The following RP1L1 variants were observed in gnomAD, a reference collection of about 807,000 sequenced individuals.
The protein encoded by RP1L1 is RP1 like 1, also known as retinitis pigmentosa 1-like 1 protein.
Under a neutral mutation model 15.7 loss-of-function variants are expected in RP1L1, and 27 were observed. That is an observed-to-expected ratio of 1.72 (90% CI 1.27 to 2.38). The LOEUF is 2.38. Ranked by LOEUF, RP1L1 falls within the 30% of genes most tolerant of loss-of-function variation. RP1L1 has a pLI of 0.00. For missense variants in RP1L1, 4,798 were observed against 3,075.9 expected, an observed-to-expected ratio of 1.56 and a Z score of -13.24; for synonymous variants, 1,813 against 1,276.7, an observed-to-expected ratio of 1.42 and a Z score of -8.96.
Position 10,610,602 on chromosome 8 carries a change from C to T in RP1L1, c.3496G>A (p.Asp1166Asn), listed in dbSNP as rs760568274. The change falls in exon 4 of 4, where the codon GAC (aspartate) becomes AAC (asparagine). Residue 1166 changes from aspartate (D) to asparagine (N), a missense_variant. By Grantham distance (23) the Asp-to-Asn change is conservative. Transcript: ENST00000382483. ...DLWPGCDVGE[D>N]QLDSGLWELT... ...TCCCAGAGGCCTGAGTCCAGCTGGT[C>T]TTCCCCAACGTCACATCCTGGCCAC... 6.2e-7 allele frequency: 1 copy of T among 1,613,594 alleles called. No individual in the cohort carries two copies. The highest frequency in any genetic ancestry group is 8.5e-7 in the Non-Finnish European group (1 of 1,180,022).
intron 1 of RP1L1, among the ~76,000 whole-genome samples, chr8:10,638,531 T>C (rs1323313982): frequency 1.3e-5 from 2 of 152,134 alleles, no homozygotes; most frequent in East Asian, 3.9e-4. Context: ...ATTGCTTGAG[T>C]CCGGCAGTTC....
intron 2 of RP1L1, among the ~76,000 whole-genome samples, chr8:10,622,335 C>CAA (rs34315849): frequency 4.5e-4 from 46 of 102,272 alleles, no homozygotes; most frequent in East Asian, 2.3e-3. Flanking sequence ...AAAACAAAGC[C>CAA]AAAAAAAAAA....
At position 10,608,428 on chromosome 8, in the gene RP1L1, T is replaced by C; in HGVS notation, c.5670A>G (p.Val1890=). The C allele has an allele frequency of 1.9e-6, 3 of 1,604,172 alleles. No individual in the cohort carries two copies. Among genetic ancestry groups the C allele is most frequent in the Non-Finnish European group, 1.7e-6 (2 of 1,174,922 alleles). The change falls in exon 4 of 4, where the codon GTA becomes GTG. Residue 1890 remains valine (V), a synonymous_variant. Coordinates refer to ENST00000382483, the MANE Select transcript of RP1L1 (RefSeq NM_178857.6). ...EGEAQPESED[V]ETPEAEWEVQ... is the part of the protein sequence containing the mutation. ...CCTCCCATTCTGCCTCTGGGGTCTC[T>C]ACATCTTCTGACTCTGGCTGGGCCT...
intron 1 of RP1L1, among the ~76,000 whole-genome samples, chr8:10,638,920 G>T (rs1019710254): frequency 6.6e-6 from 1 of 152,080 alleles, no homozygotes; most frequent in African/African-American, 2.4e-5. Context: ...TGAAGCCAGC[G>T]GATCACTTGA....
chr8:10,651,451 G>A (rs906426825), intron 1 of RP1L1, among the ~76,000 whole-genome samples: 3 of 152,154 alleles, frequency 2.0e-5, no homozygotes, highest in South Asian at 2.1e-4. Context: ...TGCTCGGGCC[G>A]GGCGCAGTGG....
At chr8:10,646,331 T>C (rs567213998) in intron 1 of RP1L1, among the ~76,000 whole-genome samples, 2 of 151,294 alleles carry the variant, frequency 1.3e-5, no homozygotes, top group East Asian at 3.9e-4. Flanking sequence ...GGAGCTGGAG[T>C]TTCAACCCAG....
At chr8:10,629,418 G>C (rs147543375) in intron 1 of RP1L1, among the ~76,000 whole-genome samples, 1 of 152,178 alleles carries the variant, frequency 6.6e-6, no homozygotes, top group Non-Finnish European at 1.5e-5. Flanking sequence ...AAGGAATAGG[G>C]AGAAGCTGGA....
chr8:10,628,955 C>T (rs542183409), intron 1 of RP1L1, among the ~76,000 whole-genome samples: 9 of 152,354 alleles, frequency 5.9e-5, no homozygotes, highest in African/African-American at 2.2e-4. Flanking sequence ...CAACACCAAG[C>T]GGGATGTGCA....
At chr8:10,616,812 C>G (rs1181657864) in intron 2 of RP1L1, among the ~76,000 whole-genome samples, 2 of 152,208 alleles carry the variant, frequency 1.3e-5, no homozygotes, top group Non-Finnish European at 2.9e-5. Flanking sequence ...AGCTATACCC[C>G]TCCCTCCACC....
chr8:10,634,341 G>T (rs1038802524), intron 1 of RP1L1, among the ~76,000 whole-genome samples: 3 of 152,172 alleles, frequency 2.0e-5, no homozygotes, highest in African/African-American at 7.2e-5. Flanking sequence ...AGCTGCAAGA[G>T]GCTGCAACAC....
chr8:10,625,789 T>C (rs888478680), intron 1 of RP1L1, among the ~76,000 whole-genome samples: 3 of 151,954 alleles, frequency 2.0e-5, no homozygotes, highest in Non-Finnish European at 4.4e-5. Context: ...GTGGTCTCAG[T>C]GAGCACAGAG....
rs377045763 is a variant in RP1L1 at position 10,609,822 on chromosome 8, G to A, written c.4276C>T (p.Pro1426Ser). The A allele has an allele frequency of 6.2e-7, 1 of 1,614,096 alleles. No individual in the cohort carries two copies. The highest frequency in any genetic ancestry group is 2.2e-5 in the East Asian group (1 of 44,872). Residue 1426 changes from proline (P) to serine (S), a missense_variant, in exon 4 of 4, where the codon CCA becomes TCA. Pro to Ser is a moderately conservative substitution (Grantham distance 74). Transcript: ENST00000382483. ...PDGKGSQEDDPVQEEEAGRAS... is the reference protein window; with the variant it reads ...PDGKGSQEDDSVQEEEAGRAS... Reference sequence around the variant, plus strand: ...CTTCCTGCTTCCTCCTCCTGGACTGGGTCATCTTCCTGGGAGCCTTTCCCA... The same window carrying A: ...CTTCCTGCTTCCTCCTCCTGGACTGAGTCATCTTCCTGGGAGCCTTTCCCA...
rs1369482623 is a variant in RP1L1 at position 10,607,526 on chromosome 8, G to A, written c.6572C>T (p.Pro2191Leu). ...EAPEAEGEAQ[P>L]ESEGIEAPEA... is the part of the protein sequence containing the mutation. ...TGGGGCCTCTATACCTTCTGACTCTGGCTGGGCCTCCCCTTCTGCCTCTGG... is the reference window on the plus strand; with the variant it reads ...TGGGGCCTCTATACCTTCTGACTCTAGCTGGGCCTCCCCTTCTGCCTCTGG... The change falls in exon 4 of 4, where the codon CCA becomes CTA. Residue 2191 changes from proline to leucine, a missense_variant. Physicochemically the swap from Pro to Leu is moderately conservative, Grantham distance 98 (BLOSUM62 -3). Transcript: ENST00000382483. The A allele has an allele frequency of 6.2e-7, 1 of 1,606,410 alleles. No homozygotes were observed. Among genetic ancestry groups the A allele is most frequent in the Non-Finnish European group, 8.5e-7 (1 of 1,174,870 alleles).
Position 10,612,300 on chromosome 8 carries a change from G to T in RP1L1, c.1798C>A (p.Gln600Lys), listed in dbSNP as rs1436372066. The T allele has an allele frequency of 3.1e-6, 5 of 1,613,068 alleles. No homozygotes were observed. In the African/African-American group the frequency reaches 6.7e-5, roughly 22 times the overall value. The change falls in exon 4 of 4, where the codon CAG becomes AAG. Residue 600 changes from glutamine (Q) to lysine (K), a missense_variant. Physicochemically the swap from Gln to Lys is moderately conservative, Grantham distance 53. Coordinates refer to ENST00000382483, the MANE Select transcript of RP1L1 (RefSeq NM_178857.6). ...QAETQGQGTEQATGAAVTREP... is the reference protein window; with the variant it reads ...QAETQGQGTEKATGAAVTREP... ...CTTGTCACAGCCGCTCCCGTGGCCT[G>T]CTCGGTGCCCTGTCCTTGCGTCTCT...
In RP1L1 at chr8:10,610,636, C is replaced by T. The variant is rs749542099; in HGVS notation, c.3462G>A (p.Ser1154=). 26 of 1,612,210 alleles carry T rather than the reference C, an allele frequency of 1.6e-5. No individual in the cohort carries two copies. Among genetic ancestry groups the T allele is most frequent in the Admixed American group, 1.0e-4 (6 of 59,736 alleles). ...CGTCACATCCTGGCCACAGGTCCTT[C>T]GAGATGCTGAGCAGCTCCTGGTACC... ...SPRYQELLSI[S]KDLWPGCDVG... Residue 1154 remains serine, a synonymous_variant, in exon 4 of 4, where the codon TCG becomes TCA. Transcript: ENST00000382483.
At position 10,610,304 on chromosome 8, in the gene RP1L1, C is replaced by T. The variant is rs756233501; in HGVS notation, c.3794G>A (p.Arg1265Gln). Residue 1265 changes from arginine (R) to glutamine (Q), a missense_variant, in exon 4 of 4, where the codon CGA becomes CAA. Coordinates refer to ENST00000382483, the MANE Select transcript of RP1L1 (RefSeq NM_178857.6). ...QCCFPTFLNA[R>Q]ACACATNEDE... ...CTCATTGGTGGCACAAGCGCAGGCT[C>T]GGGCGTTCAAGAAGGTTGGGAAACA... 1.8e-5 allele frequency: 29 copies of T among 1,614,188 alleles called. No homozygotes were observed. Among genetic ancestry groups the T allele is most frequent in the South Asian group, 4.4e-5 (4 of 91,082 alleles).
intron 3 of RP1L1, among the ~76,000 whole-genome samples, chr8:10,616,081 AT>A (rs201740293): frequency 1.3e-3 from 185 of 147,934 alleles, no homozygotes; most frequent in African/African-American, 4.1e-3. Flanking sequence ...ATTTTTTTGT[AT>A]TTTTTTTTTA....
At position 10,608,544 on chromosome 8, in the gene RP1L1, C is replaced by T. The variant is rs116153958; in HGVS notation, c.5554G>A (p.Glu1852Lys). ...GEAQPESEGVEAPEAEGDAQE... is the reference protein window; with the variant it reads ...GEAQPESEGVKAPEAEGDAQE... ...GCATCCCCTTCTGCCTCTGGGGCCTCTACACCTTCTGACTCTGGCTGGGCC... is the reference window on the plus strand; with the variant it reads ...GCATCCCCTTCTGCCTCTGGGGCCTTTACACCTTCTGACTCTGGCTGGGCC... Residue 1852 changes from glutamate to lysine, a missense_variant, in exon 4 of 4, where the codon GAG becomes AAG. Glu to Lys is a moderately conservative substitution (Grantham distance 56). Transcript: ENST00000382483. 4 of 1,600,822 alleles carry T rather than the reference C, an allele frequency of 2.5e-6. No individual in the cohort carries two copies. Among genetic ancestry groups the T allele is most frequent in the Non-Finnish European group, 2.6e-6 (3 of 1,170,452 alleles).
chr8:10,608,492 G>A lies in RP1L1; in HGVS notation c.5606C>T (p.Pro1869Leu). ...TGGGGCCTCTACATCTTCTGACTCT[G>A]GCTGGGCCTCCCCTTCAGCCTCCTG... is the stretch of plus-strand genomic sequence containing the variant. Reference protein sequence around the residue: ...DAQEAEGEAQPESEDVEAPEA... With the variant: ...DAQEAEGEAQLESEDVEAPEA... Residue 1869 changes from proline (P) to leucine (L), a missense_variant, in exon 4 of 4, where the codon CCA becomes CTA. By Grantham distance (98) the Pro-to-Leu change is moderately conservative. Coordinates refer to ENST00000382483, the MANE Select transcript of RP1L1 (RefSeq NM_178857.6). 6.3e-7 allele frequency: 1 copy of A among 1,596,478 alleles called. No individual in the cohort carries two copies. Among genetic ancestry groups the A allele is most frequent in the Admixed American group, 1.7e-5 (1 of 59,230 alleles).
Sources: allele counts gnomAD v4.1 joint callset (sites outside exome capture counted in the v4.1 genomes callset), GRCh38; gene constraint gnomAD v4.1.1; transcripts MANE v1.5; gene names NCBI Gene and HGNC (gene_info 2026-07-23, HGNC 2026-07-21).